The following UFM1 variants were observed in gnomAD, a reference collection of about 807,000 sequenced individuals.
UFM1 encodes ubiquitin-fold modifier 1.
Under a neutral mutation model 15.4 loss-of-function variants are expected in UFM1, and 9 were observed. The observed-to-expected ratio is 0.59, with a 90% CI of 0.35 to 1.02. UFM1 has a LOEUF of 1.02. UFM1 is among the 50% of genes least tolerant of loss of function. UFM1 has a pLI of 0.02. For missense variants in UFM1, 98 were observed against 104.7 expected, an observed-to-expected ratio of 0.94 and a Z score of 0.28; for synonymous variants, 27 against 36.3, an observed-to-expected ratio of 0.74 and a Z score of 0.92.
intron 2 of UFM1, among the ~76,000 whole-genome samples, chr13:38,350,765 A>G (rs1420424091): frequency 6.6e-6 from 1 of 152,226 alleles, no homozygotes; most frequent in Non-Finnish European, 1.5e-5. Context: ...CAGGATTACA[A>G]TAGAATTTTT....
chr13:38,357,242 C>T (rs540203377), intron 3 of UFM1, among the ~76,000 whole-genome samples: 2 of 152,020 alleles, frequency 1.3e-5, no homozygotes, highest in South Asian at 4.1e-4. Flanking sequence ...CTTCGGTAGG[C>T]ACCTCCCATT....
chr13:38,362,892 A>T lies in UFM1; in HGVS notation c.*2114A>T, dbSNP rs1375104731. On this transcript the variant is annotated 3_prime_UTR_variant, in exon 6 of 6. Transcript: ENST00000239878. ...AAGTAGACATTTTGTTATTAAAAAA[A>T]TGTGATCTGTAATTTCTTTGTGCAG... is the stretch of plus-strand genomic sequence containing the variant. The T allele has an allele frequency of 6.6e-6, 1 of 152,214 alleles. No homozygotes were observed. The highest frequency in any genetic ancestry group is 1.9e-4 in the East Asian group (1 of 5,206). The allele number at this position is 152,214 out of a possible 1,614,324, so 9.4% of individuals were successfully genotyped here.
At chr13:38,356,961 A>T (rs1358959098) in intron 3 of UFM1, among the ~76,000 whole-genome samples, 5 of 151,924 alleles carry the variant, frequency 3.3e-5, no homozygotes, top group African/African-American at 1.2e-4. Context: ...TCTTTAAGAG[A>T]TGGAATCTAC....
chr13:38,356,045 G>A (rs1879077905), intron 3 of UFM1, among the ~76,000 whole-genome samples: 1 of 151,816 alleles, frequency 6.6e-6, no homozygotes, highest in Non-Finnish European at 1.5e-5. Context: ...GACCATAAAA[G>A]AATACTTTGC....
At position 38,360,707 on chromosome 13, in the gene UFM1, A is replaced by G. The variant is rs767249729; in HGVS notation, c.191-4A>G. ...CTAACTTTATGTTTTGTTTGTTTGT[A>G]TAGGAAATGTTTTTCTAAAACATGG... On this transcript the variant is annotated splice_polypyrimidine_tract_variant and splice_region_variant and intron_variant, in intron 5 of 5. Coordinates refer to ENST00000239878, the MANE Select transcript of UFM1 (RefSeq NM_016617.4). 86 of 1,599,330 alleles carry G rather than the reference A, an allele frequency of 5.4e-5. 1 individual carries two copies. The South Asian group carries it at 6.4e-4, about 12-fold the overall frequency.
chr13:38,350,391 TC>T (rs1566029576), intron 2 of UFM1, among the ~76,000 whole-genome samples: 1 of 152,144 alleles, frequency 6.6e-6, no homozygotes. Flanking sequence ...TCTTAAACAG[TC>T]CCCATCTGCT....
chr13:38,358,386 T>G (rs1879218228), intron 4 of UFM1, among the ~76,000 whole-genome samples: 1 of 135,572 alleles, frequency 7.4e-6, no homozygotes, highest in African/African-American at 2.8e-5. Context: ...AGATTATAAC[T>G]GAAAATAACT....
At chr13:38,349,973 T>G in intron 1 of UFM1, 26 bp from the exon 2 acceptor site, 3 of 1,614,028 alleles carry the variant, frequency 1.9e-6, no homozygotes, top group Non-Finnish European at 2.5e-6. Flanking sequence ...TGCCCGACCC[T>G]GACTCTCTCC....
rs535090632 is a variant in UFM1 at position 38,361,500 on chromosome 13, CTT to C, written c.*725_*726del. The C allele has an allele frequency of 1.0e-3, 155 of 152,214 alleles. No individual in the cohort carries two copies. Among genetic ancestry groups the C allele is most frequent in the African/African-American group, 3.5e-3 (146 of 41,536 alleles). The allele number at this position is 152,214 out of a possible 1,614,324, so 9.4% of individuals were successfully genotyped here. A position where few individuals can be genotyped will look rare whatever the true frequency, so the allele number is the denominator to read the frequency against. Reference sequence around the variant, plus strand: ...GAGTTATACATTCCTTTATCAATCTCTTTTGATACAACATTTAAAACAAGTAG... The same window carrying C: ...GAGTTATACATTCCTTTATCAATCTCTTGATACAACATTTAAAACAAGTAG... On this transcript the variant is annotated 3_prime_UTR_variant, in exon 6 of 6. Transcript: ENST00000239878.
intron 2 of UFM1, among the ~76,000 whole-genome samples, chr13:38,351,743 A>C (rs556163029): frequency 6.6e-6 from 1 of 152,334 alleles, no homozygotes; most frequent in African/African-American, 2.4e-5. Context: ...GGACAATAAC[A>C]TTAAGAGCCT....
At chr13:38,350,513 C>A (rs1038330324) in intron 2 of UFM1, among the ~76,000 whole-genome samples, 1 of 152,138 alleles carries the variant, frequency 6.6e-6, no homozygotes, top group African/African-American at 2.4e-5. Flanking sequence ...TGTTATTCCG[C>A]GGCTTCTGAG....
intron 5 of UFM1, among the ~76,000 whole-genome samples, 199 bp from the exon 6 acceptor site, chr13:38,360,512 A>G (rs1481873200): frequency 1.3e-5 from 2 of 152,070 alleles, no homozygotes; most frequent in African/African-American, 2.4e-5. Context: ...GTTATTTTAA[A>G]TTTTAAGCGT....
At chr13:38,354,334 G>C in intron 3 of UFM1, 38 bp downstream of exon 3, 2 of 1,579,366 alleles carry the variant, frequency 1.3e-6, no homozygotes, top group Non-Finnish European at 1.7e-6. Flanking sequence ...ATGGAATGCG[G>C]TTTGCCAATA....
intron 4 of UFM1, among the ~76,000 whole-genome samples, chr13:38,358,926 T>C (rs1444359330): frequency 6.6e-6 from 1 of 152,062 alleles, no homozygotes; most frequent in East Asian, 1.9e-4. Flanking sequence ...CCTTAAGATA[T>C]TATGACCTAG....
chr13:38,352,644 T>C (rs1214536172), intron 2 of UFM1, among the ~76,000 whole-genome samples: 3 of 152,246 alleles, frequency 2.0e-5, no homozygotes, highest in African/African-American at 7.2e-5. Context: ...AGATAAGATC[T>C]GTGGAGTCAC....
intron 3 of UFM1, among the ~76,000 whole-genome samples, chr13:38,357,728 T>C (rs1219730214): frequency 6.6e-6 from 1 of 151,988 alleles, no homozygotes; most frequent in Admixed American, 6.6e-5. Context: ...TATACTGTAT[T>C]CTTACAATAA....
intron 2 of UFM1, 179 bp downstream of exon 2, chr13:38,350,234 A>G (rs373348072): frequency 2.5e-6 from 4 of 1,603,886 alleles, no homozygotes; most frequent in Non-Finnish European, 3.4e-6. Context: ...AGAGGTCCGT[A>G]CTTGCTCGCT....
intron 3 of UFM1, among the ~76,000 whole-genome samples, chr13:38,356,925 T>C (rs1179128090): frequency 6.6e-6 from 1 of 151,866 alleles, no homozygotes; most frequent in African/African-American, 2.4e-5. Flanking sequence ...TGTGAAGACA[T>C]AAACACACTT....
At chr13:38,351,625 C>A (rs1234696467) in intron 2 of UFM1, among the ~76,000 whole-genome samples, 1 of 152,118 alleles carries the variant, frequency 6.6e-6, no homozygotes, top group African/African-American at 2.4e-5. Flanking sequence ...AGTCCAGTGC[C>A]CCCTCTCTCC....
Sources: gnomAD v4.1 joint callset for allele counts (sites outside exome capture counted in the v4.1 genomes callset) on GRCh38, gnomAD v4.1.1 for gene constraint, MANE v1.5 for transcripts, NCBI Gene and HGNC (gene_info 2026-07-23, HGNC 2026-07-21) for gene names.